The following PPM1E variants were observed in gnomAD, a reference collection of about 807,000 sequenced individuals.
PPM1E encodes protein phosphatase, Mg2+/Mn2+ dependent 1E.
In PPM1E, 20 loss-of-function variants were observed where a neutral mutation model predicts 65.9. The observed-to-expected ratio is 0.30, with a 90% confidence interval of 0.21 to 0.44. The LOEUF (loss-of-function observed/expected upper bound fraction) is 0.44, where lower values mean the gene tolerates loss of function less well. PPM1E is among the 20% of genes least tolerant of loss of function. The probability of loss-of-function intolerance (pLI) is 1.00; values close to 1 mark genes in which losing one functional copy is unlikely to be tolerated. For synonymous variants in PPM1E, 352 were observed against 374.9 expected (o/e 0.94, Z 0.70); for missense variants, 713 against 953.1 (o/e 0.75, Z 3.32).
At chr17:58,828,622 G>A (rs541569198) in intron 1 of PPM1E, among the ~76,000 whole-genome samples, 9 of 152,018 alleles carry the variant, frequency 5.9e-5, no homozygotes, top group Non-Finnish European at 1.0e-4. Context: ...GCACCACTAC[G>A]CCAGGCTAAT....
intron 1 of PPM1E, among the ~76,000 whole-genome samples, chr17:58,781,672 C>T (rs1053960573): frequency 1.3e-5 from 2 of 151,920 alleles, no homozygotes; most frequent in Non-Finnish European, 2.9e-5. Flanking sequence ...GAGGCTGAGG[C>T]AGGCGGATCA....
chr17:58,897,989 G>A (rs753449293), intron 1 of PPM1E, among the ~76,000 whole-genome samples: 12 of 152,184 alleles, frequency 7.9e-5, no homozygotes, highest in South Asian at 4.1e-4. Flanking sequence ...GGCTGGGCAC[G>A]GTGGCTCATG....
intron 1 of PPM1E, among the ~76,000 whole-genome samples, chr17:58,879,594 C>G (rs1263931381): frequency 6.8e-6 from 1 of 148,078 alleles, no homozygotes; most frequent in South Asian, 2.2e-4. Flanking sequence ...CTGCAAGCTC[C>G]GCCTCCCGGG....
At chr17:58,944,479 C>A (rs935191713) in intron 1 of PPM1E, among the ~76,000 whole-genome samples, 11 of 152,108 alleles carry the variant, frequency 7.2e-5, no homozygotes, top group Non-Finnish European at 4.4e-5. Flanking sequence ...TATTAGCAGT[C>A]ACTCCTCATT....
At chr17:58,844,221 C>T (rs946496515) in intron 1 of PPM1E, among the ~76,000 whole-genome samples, 2 of 151,896 alleles carry the variant, frequency 1.3e-5, no homozygotes, top group Non-Finnish European at 2.9e-5. Flanking sequence ...GAATTATTAT[C>T]TGAATTTATT....
chr17:58,914,558 A>G (rs1258477955), intron 1 of PPM1E, among the ~76,000 whole-genome samples: 2 of 152,102 alleles, frequency 1.3e-5, no homozygotes, highest in Non-Finnish European at 2.9e-5. Flanking sequence ...GAGGTAATAT[A>G]CCCTTCTCCA....
chr17:58,855,347 G>T (rs956440570), intron 1 of PPM1E, among the ~76,000 whole-genome samples: 2 of 152,134 alleles, frequency 1.3e-5, no homozygotes, highest in Non-Finnish European at 2.9e-5. Flanking sequence ...CCCCAACTAA[G>T]GGGTAAGGAG....
intron 2 of PPM1E, among the ~76,000 whole-genome samples, chr17:58,962,379 AATGAT>A (rs1410501470): frequency 6.6e-6 from 1 of 152,142 alleles, no homozygotes; most frequent in Non-Finnish European, 1.5e-5. Flanking sequence ...CAAGCCAAAG[AATGAT>A]ATAATAGTTT....
intron 1 of PPM1E, among the ~76,000 whole-genome samples, chr17:58,849,609 T>C (rs865812463): frequency 3.3e-5 from 5 of 151,422 alleles, no homozygotes; most frequent in Admixed American, 6.6e-5. Context: ...TCCTGAGTTC[T>C]AGTTTGATTG....
chr17:58,810,033 CTT>C (rs34694297), intron 1 of PPM1E, among the ~76,000 whole-genome samples: 1 of 151,924 alleles, frequency 6.6e-6, no homozygotes, highest in East Asian at 1.9e-4. Context: ...ATTTTACAGT[CTT>C]TTTTTGTACC....
intron 1 of PPM1E, among the ~76,000 whole-genome samples, chr17:58,794,493 C>T (rs2050187201): frequency 1.3e-5 from 2 of 152,050 alleles, no homozygotes; most frequent in Admixed American, 1.3e-4. Context: ...GTTTGGTGTA[C>T]AGATTATTTC....
chr17:58,870,815 G>A (rs1332039476), intron 1 of PPM1E, among the ~76,000 whole-genome samples: 1 of 152,092 alleles, frequency 6.6e-6, no homozygotes, highest in Non-Finnish European at 1.5e-5. Context: ...TTCTTCAGGA[G>A]GAATACTTGG....
intron 2 of PPM1E, among the ~76,000 whole-genome samples, chr17:58,962,687 A>G (rs1235300645): frequency 6.6e-6 from 1 of 152,192 alleles, no homozygotes; most frequent in Non-Finnish European, 1.5e-5. Context: ...TGGATTGTCT[A>G]TTGGCCTCAG....
At chr17:58,833,937 T>C (rs1252370397) in intron 1 of PPM1E, among the ~76,000 whole-genome samples, 1 of 152,218 alleles carries the variant, frequency 6.6e-6, no homozygotes, top group African/African-American at 2.4e-5. Context: ...TTCTGACATC[T>C]GACTGATGTG....
At chr17:58,930,247 A>ATG (rs2051875126) in intron 1 of PPM1E, among the ~76,000 whole-genome samples, 1 of 125,014 alleles carries the variant, frequency 8.0e-6, no homozygotes, top group African/African-American at 2.9e-5. Flanking sequence ...AATTAAATGT[A>ATG]TATACACACA....
intron 2 of PPM1E, among the ~76,000 whole-genome samples, chr17:58,961,601 A>T (rs930547600): frequency 6.6e-6 from 1 of 152,292 alleles, no homozygotes; most frequent in Admixed American, 6.5e-5. Flanking sequence ...AGATCTAGTG[A>T]TTTACCAATG....
At chr17:58,964,585 T>G (rs1196593154) in intron 2 of PPM1E, among the ~76,000 whole-genome samples, 1 of 152,136 alleles carries the variant, frequency 6.6e-6, no homozygotes, top group Non-Finnish European at 1.5e-5. Context: ...CTGTTAGTAT[T>G]GCTCCTCTGG....
intron 1 of PPM1E, among the ~76,000 whole-genome samples, chr17:58,782,304 T>C (rs535715107): frequency 6.6e-6 from 1 of 152,182 alleles, no homozygotes; most frequent in East Asian, 1.9e-4. Flanking sequence ...CATAATTATA[T>C]AATTATACAG....
At chr17:58,830,591 C>G (rs2050594311) in intron 1 of PPM1E, among the ~76,000 whole-genome samples, 2 of 152,020 alleles carry the variant, frequency 1.3e-5, no homozygotes, top group South Asian at 4.2e-4. Flanking sequence ...CAGGTGTGAA[C>G]CACTGCGCCC....
Sources: allele counts gnomAD v4.1 joint callset (sites outside exome capture counted in the v4.1 genomes callset), GRCh38; gene constraint gnomAD v4.1.1; transcripts MANE v1.5; gene names NCBI Gene and HGNC (gene_info 2026-07-23, HGNC 2026-07-21).